LAMA2: variants seen among roughly 807,000 people sequenced by gnomAD.
LAMA2 encodes the protein laminin subunit alpha 2.
In LAMA2, 269 loss-of-function variants were observed where a neutral mutation model predicts 364.8. The observed-to-expected ratio is 0.74, with a 90% CI of 0.67 to 0.82. The LOEUF is 0.82. Among genes scored for constraint, LAMA2 ranks in the 40% least tolerant of loss-of-function variants. The pLI is 0.00. For synonymous variants in LAMA2, 1,379 were observed against 1,370.6 expected, an observed-to-expected ratio of 1.01 and a Z score of -0.14; for missense variants, 3,807 against 3,873.2, an observed-to-expected ratio of 0.98 and a Z score of 0.45.
chr6:129,085,824 T>C lies in LAMA2; in HGVS notation c.397-12349T>C, dbSNP rs563882035. The stretch of plus-strand genomic sequence containing the variant: ...TTGGGAGAAAATACAAGGAGAAGAA[T>C]TTGCAGGGTGATTGTTGTAAGATTT... On this transcript the variant is annotated intron_variant, in intron 3 of 64. Transcript: ENST00000421865. 1.5e-3 allele frequency among the ~76,000 whole-genome samples: 228 copies of C among 152,224 alleles called. 2 individuals are homozygous for C. The highest frequency in any genetic ancestry group is 0.014 in the Middle Eastern group (4 of 294).
At chr6:128,988,245 A>T (rs9492179) in intron 1 of LAMA2, among the ~76,000 whole-genome samples, 44,351 of 152,090 alleles carry the variant, frequency 0.29, 7,053 homozygotes, top group African/African-American at 0.4. Flanking sequence ...TGACGAGAAC[A>T]TACAAGGGGA....
chr6:128,888,787 TGAG>T (rs1339192261), intron 1 of LAMA2, among the ~76,000 whole-genome samples: 1 of 152,212 alleles, frequency 6.6e-6, no homozygotes, highest in African/African-American at 2.4e-5. Flanking sequence ...CTGAGTGAGA[TGAG>T]GAGGCATCGG....
intron 1 of LAMA2, among the ~76,000 whole-genome samples, chr6:128,950,605 T>C (rs1229831016): frequency 1.3e-5 from 2 of 152,098 alleles, no homozygotes; most frequent in Admixed American, 1.3e-4. Context: ...GGCCCAGGAT[T>C]GAACCTCTTT....
intron 2 of LAMA2, among the ~76,000 whole-genome samples, chr6:129,055,176 T>TGTATTATTATTTATTA (rs1554207593): frequency 8.1e-6 from 1 of 123,770 alleles, no homozygotes; most frequent in Non-Finnish European, 1.7e-5. Context: ...ATTATTATTA[T>TGTATTATTATTTATTA]TTATTATTAT....
At chr6:128,957,787 C>T (rs760542183) in intron 1 of LAMA2, among the ~76,000 whole-genome samples, 1 of 146,454 alleles carries the variant, frequency 6.8e-6, no homozygotes, top group Non-Finnish European at 1.5e-5. Context: ...AGCTCATCAT[C>T]CTTTAAGTAT....
intron 53 of LAMA2, among the ~76,000 whole-genome samples, chr6:129,476,507 G>A (rs946263539): frequency 1.6e-4 from 25 of 152,136 alleles, no homozygotes; most frequent in African/African-American, 5.8e-4. Context: ...TTACCATTGA[G>A]TCCAGTCACC....
chr6:129,375,511 C>T (rs1348363653), intron 34 of LAMA2, among the ~76,000 whole-genome samples: 1 of 152,172 alleles, frequency 6.6e-6, no homozygotes, highest in Non-Finnish European at 1.5e-5. Context: ...TAACTAAATC[C>T]ACTGGATACT....
Position 129,314,721 on chromosome 6 carries a change from C to T in LAMA2, c.3478C>T (p.Pro1160Ser). The T allele has an allele frequency of 6.2e-7, 1 of 1,613,794 alleles. No individual in the cohort carries two copies. The highest frequency in any genetic ancestry group is 8.5e-7 in the Non-Finnish European group (1 of 1,179,888). The change falls in exon 24 of 65, where the codon CCA (proline) becomes TCA (serine). Residue 1160 changes from proline to serine, a missense_variant. This residue lies in a region of LAMA2 where 3,333 missense variants were observed against 3,345.7 expected (regional missense o/e 1.00). Coordinates refer to ENST00000421865, the MANE Select transcript of LAMA2 (RefSeq NM_000426.4). ...CAAATTCGGACTCGATGCCAAGAAT[C>T]CACTTGGCTGCAGCAGCTGCTATTG... The part of the protein sequence containing the change: ...PGKFGLDAKN[P>S]LGCSSCYCFG...
intron 9 of LAMA2, among the ~76,000 whole-genome samples, chr6:129,172,599 G>A (rs191094197): frequency 0.22 from 33,702 of 152,194 alleles, 4,327 homozygotes; most frequent in African/African-American, 0.35. Flanking sequence ...GGACATTTAA[G>A]TCTGCAGAGG....
At chr6:129,514,630 CT>C (rs1786886734) in intron 64 of LAMA2, 35 bp downstream of exon 64, 2 of 1,500,104 alleles carry the variant, frequency 1.3e-6, no homozygotes, top group Non-Finnish European at 9.3e-7. Flanking sequence ...AATTTCTTTG[CT>C]CTCTTATGTT....
At chr6:128,991,239 T>C (rs950022408) in intron 1 of LAMA2, among the ~76,000 whole-genome samples, 1 of 152,174 alleles carries the variant, frequency 6.6e-6, no homozygotes, top group African/African-American at 2.4e-5. Context: ...CCTCCTTTTT[T>C]TCCCCCTCCG....
At chr6:128,918,362 T>G (rs1234284572) in intron 1 of LAMA2, among the ~76,000 whole-genome samples, 1 of 152,194 alleles carries the variant, frequency 6.6e-6, no homozygotes, top group Non-Finnish European at 1.5e-5. Context: ...TTGCATGCCA[T>G]TCATGGTTGT....
At position 129,102,130 on chromosome 6, in the gene LAMA2, C is replaced by CT. The variant is rs10713380; in HGVS notation, c.639+3731dup. 6.0e-3 allele frequency among the ~76,000 whole-genome samples: 777 copies of CT among 130,292 alleles called. 5 individuals are homozygous for CT. The highest frequency in any genetic ancestry group is 8.5e-3 in the African/African-American group (277 of 32,408). The allele number at this position is 130,292 out of a possible 152,430, so 85.5% of individuals were successfully genotyped here. A position where few individuals can be genotyped will look rare whatever the true frequency, so the allele number is the denominator to read the frequency against. ...GTTCATTTTCTTTTTTTCTTTCTTT[C>CT]TTTTTTTTTTTTTTTTGAGACCGAG... On this transcript the variant is annotated intron_variant, in intron 4 of 64. Coordinates refer to ENST00000421865, the MANE Select transcript of LAMA2 (RefSeq NM_000426.4).
chr6:129,176,622 T>C (rs1309645184), intron 9 of LAMA2, among the ~76,000 whole-genome samples: 1 of 152,156 alleles, frequency 6.6e-6, no homozygotes, highest in East Asian at 1.9e-4. Context: ...ACATAATAAT[T>C]TAAATCATGT....
Position 129,257,032 on chromosome 6 carries a change from A to G in LAMA2, c.2097-3679A>G, listed in dbSNP as rs1403699683. On this transcript the variant is annotated intron_variant, in intron 14 of 64. Transcript: ENST00000421865. ...ATTATGTCCTCTCTCTTCATCCATCATCTTTTCTGTATTTTCAAGGCATAA... is the reference window on the plus strand; with the variant it reads ...ATTATGTCCTCTCTCTTCATCCATCGTCTTTTCTGTATTTTCAAGGCATAA... Among the ~76,000 whole-genome samples, 4 of 151,750 alleles carry G rather than the reference A, an allele frequency of 2.6e-5. No individual in the cohort carries two copies. The East Asian group carries it at 7.7e-4, about 29-fold the overall frequency.
At chr6:129,199,649 CAA>C (rs1317271108) in intron 12 of LAMA2, among the ~76,000 whole-genome samples, 2 of 152,024 alleles carry the variant, frequency 1.3e-5, no homozygotes, top group African/African-American at 4.8e-5. Context: ...AATTAATATA[CAA>C]AAGTCAATCA....
At chr6:128,943,041 A>G (rs1187798501) in intron 1 of LAMA2, among the ~76,000 whole-genome samples, 1 of 152,142 alleles carries the variant, frequency 6.6e-6, no homozygotes, top group Non-Finnish European at 1.5e-5. Context: ...TTTATTTTGC[A>G]CATAAGCTAT....
At chr6:129,199,456 C>T (rs1026371033) in intron 12 of LAMA2, among the ~76,000 whole-genome samples, 3 of 152,042 alleles carry the variant, frequency 2.0e-5, no homozygotes, top group African/African-American at 2.4e-5. Context: ...CTCACTATAA[C>T]GACTCCCACT....
At chr6:129,393,699 T>A (rs1268841699) in intron 37 of LAMA2, among the ~76,000 whole-genome samples, 3 of 152,240 alleles carry the variant, frequency 2.0e-5, no homozygotes, top group African/African-American at 7.2e-5. Flanking sequence ...CATATCATAT[T>A]ATTTTGCAGC....
Sources: gnomAD v4.1 joint callset for allele counts (sites outside exome capture counted in the v4.1 genomes callset) on GRCh38, gnomAD v4.1.1 for gene constraint, gnomAD v4.1.1 regional missense constraint, MANE v1.5 for transcripts, NCBI Gene and HGNC (gene_info 2026-07-23, HGNC 2026-07-21) for gene names.